The following CDCA7L variants were observed in gnomAD, a reference collection of about 807,000 sequenced individuals.
CDCA7L encodes the protein cell division cycle-associated 7-like protein.
Under a neutral mutation model 57.4 loss-of-function variants are expected in CDCA7L, and 44 were observed. The observed-to-expected ratio is 0.77, with a 90% confidence interval of 0.60 to 0.98. The LOEUF (loss-of-function observed/expected upper bound fraction) is 0.98, where lower values mean the gene tolerates loss of function less well. CDCA7L is among the 50% of genes least tolerant of loss of function. The probability of loss-of-function intolerance (pLI) is 0.00; values close to 1 mark genes in which losing one functional copy is unlikely to be tolerated. For missense variants in CDCA7L, 644 were observed against 580.6 expected (o/e 1.11, Z -1.12); for synonymous variants, 236 against 202.8 (o/e 1.16, Z -1.39).
chr7:21,930,469 G>A (rs1019382263), intron 1 of CDCA7L, among the ~76,000 whole-genome samples: 2 of 151,960 alleles, frequency 1.3e-5, no homozygotes, highest in Non-Finnish European at 2.9e-5. Context: ...GGCCGAGGTG[G>A]GCAGATCACG....
At chr7:21,933,446 T>C (rs183191406) in intron 1 of CDCA7L, among the ~76,000 whole-genome samples, 67 of 152,282 alleles carry the variant, frequency 4.4e-4, no homozygotes, top group African/African-American at 1.5e-3. Flanking sequence ...GTGGCACATA[T>C]ACACCATGGA....
intron 1 of CDCA7L, among the ~76,000 whole-genome samples, chr7:21,917,336 T>C (rs1785516960): frequency 6.6e-6 from 1 of 152,242 alleles, no homozygotes. Flanking sequence ...TGTCATAGGC[T>C]GATTCAGAAA....
At chr7:21,921,431 T>C (rs546818256) in intron 1 of CDCA7L, among the ~76,000 whole-genome samples, 1 of 151,088 alleles carries the variant, frequency 6.6e-6, no homozygotes, top group South Asian at 2.1e-4. Context: ...CAGCAAGATT[T>C]ATATGAGAAG....
chr7:21,920,311 G>A (rs1478598487), intron 1 of CDCA7L, among the ~76,000 whole-genome samples: 1 of 152,204 alleles, frequency 6.6e-6, no homozygotes, highest in South Asian at 2.1e-4. Flanking sequence ...GTATTCAAAA[G>A]CTACTTAGCT....
chr7:21,927,070 G>A (rs1039150224), intron 1 of CDCA7L, among the ~76,000 whole-genome samples: 1 of 152,142 alleles, frequency 6.6e-6, no homozygotes, highest in Non-Finnish European at 1.5e-5. Flanking sequence ...AAGACTGGAA[G>A]AGGTGGCCAC....
chr7:21,941,573 A>G (rs151117833), intron 1 of CDCA7L, among the ~76,000 whole-genome samples: 29 of 152,348 alleles, frequency 1.9e-4, no homozygotes, highest in African/African-American at 7.0e-4. Context: ...TGACTTTTAC[A>G]GGCAGTATAA....
At position 21,901,465 on chromosome 7, in the gene CDCA7L, CTCAGGAG is replaced by C; in HGVS notation, c.*850_*856del. The C allele has an allele frequency of 1.8e-6, 1 of 565,512 alleles. No homozygotes were observed. The highest frequency in any genetic ancestry group is 2.6e-6 in the Non-Finnish European group (1 of 386,714). The allele number at this position is 565,512 out of a possible 1,614,324, so 35.0% of individuals were successfully genotyped here. On this transcript the variant is annotated 3_prime_UTR_variant, in exon 10 of 10. Transcript: ENST00000406877. ...TGGCACACGACTGTAATCCCAGTTA[CTCAGGAG>C]GTAGGAGAATCACTTGAACCTAGGA...
intron 2 of CDCA7L, among the ~76,000 whole-genome samples, chr7:21,912,813 A>T (rs1785373496): frequency 6.6e-6 from 1 of 152,238 alleles, no homozygotes; most frequent in African/African-American, 2.4e-5. Context: ...AGTGAGCAGA[A>T]GGAAAGATGC....
In CDCA7L at chr7:21,908,387, G is replaced by A. The variant is rs371638574; in HGVS notation, c.424C>T (p.Leu142Phe). Residue 142 changes from leucine (L) to phenylalanine (F), a missense_variant, in exon 4 of 10, where the codon CTT (leucine) becomes TTT (phenylalanine). Leu to Phe is a conservative substitution (Grantham distance 22). Transcript: ENST00000406877. ...GTGGGGAACTGAAAGGCTACTCGAA[G>A]ACCAATACTACTTCTTCTAGACCTG... is the stretch of plus-strand genomic sequence containing the variant. ...RSRSRRSSIGLRVAFQFPTKK... is the reference protein window; with the variant it reads ...RSRSRRSSIGFRVAFQFPTKK... The A allele has an allele frequency of 4.3e-6, 7 of 1,609,616 alleles. No individual in the cohort carries two copies. The African/African-American group carries it at 5.4e-5, about 12-fold the overall frequency.
rs1038235137 is a variant in CDCA7L at position 21,921,751 on chromosome 7, A to G, written c.25-4857T>C. ...ACATTAGTTGAACTTCTGAATTAGG[A>G]TAACTACTATCTAGTGAACCAAAAA... On this transcript the variant is annotated intron_variant, in intron 1 of 9. Coordinates refer to ENST00000406877, the MANE Select transcript of CDCA7L (RefSeq NM_018719.5). Among the ~76,000 whole-genome samples the G allele has an allele frequency of 2.0e-5, 3 of 152,232 alleles. No homozygotes were observed. The South Asian group carries it at 6.2e-4, about 32-fold the overall frequency.
chr7:21,901,458 C>CCA lies in CDCA7L; in HGVS notation c.*862_*863dup. On this transcript the variant is annotated 3_prime_UTR_variant, in exon 10 of 10. Transcript: ENST00000406877. ...AGCGTGGTGGCACACGACTGTAATC[C>CCA]CAGTTACTCAGGAGGTAGGAGAATC... 1.6e-6 allele frequency: 1 copy of CCA among 610,770 alleles called. No individual in the cohort carries two copies. Among genetic ancestry groups the CCA allele is most frequent in the Non-Finnish European group, 2.4e-6 (1 of 423,766 alleles). 37.8% of individuals were successfully genotyped at this position (610,770 alleles called of 1,614,324 possible). A position where few individuals can be genotyped will look rare whatever the true frequency, so the allele number is the denominator to read the frequency against.
intron 1 of CDCA7L, among the ~76,000 whole-genome samples, chr7:21,920,070 G>T (rs1411173521): frequency 2.6e-5 from 4 of 152,196 alleles, no homozygotes; most frequent in African/African-American, 9.7e-5. Flanking sequence ...GTGCATGGAG[G>T]TGAATGCAAT....
chr7:21,911,595 C>A, intron 3 of CDCA7L, 22 bp downstream of exon 3: 1 of 1,600,114 alleles, frequency 6.2e-7, no homozygotes, highest in South Asian at 1.1e-5. Context: ...CCACCCACAT[C>A]CCTTCCTGTT....
Position 21,901,338 on chromosome 7 carries a change from TTCTAACTTTTTAG to T in CDCA7L, c.*971_*983del. The T allele has an allele frequency of 7.1e-7, 1 of 1,413,824 alleles. No homozygotes were observed. Among genetic ancestry groups the T allele is most frequent in the Non-Finnish European group, 9.3e-7 (1 of 1,075,572 alleles). The allele number at this position is 1,413,824 out of a possible 1,614,324, so 87.6% of individuals were successfully genotyped here. On this transcript the variant is annotated 3_prime_UTR_variant, in exon 10 of 10. Coordinates refer to ENST00000406877, the MANE Select transcript of CDCA7L (RefSeq NM_018719.5). ...TGCTGCACTGTTCCCATGCACATTA[TTCTAACTTTTTAG>T]TAACTCACACGTGCATTCTTTTTTC...
chr7:21,915,634 C>CT (rs1271082599), intron 2 of CDCA7L, among the ~76,000 whole-genome samples: 3 of 58,968 alleles, frequency 5.1e-5, no homozygotes, highest in East Asian at 4.8e-4. Flanking sequence ...CCCATCACTA[C>CT]TAAAAAAAAA....
At chr7:21,936,330 G>GA (rs1392151929) in intron 1 of CDCA7L, among the ~76,000 whole-genome samples, 2 of 152,174 alleles carry the variant, frequency 1.3e-5, no homozygotes, top group African/African-American at 4.8e-5. Flanking sequence ...CTCATTCTAT[G>GA]TGACCAGCAT....
intron 1 of CDCA7L, among the ~76,000 whole-genome samples, chr7:21,923,836 A>G (rs1214106016): frequency 2.0e-5 from 3 of 152,232 alleles, no homozygotes; most frequent in African/African-American, 7.2e-5. Context: ...CTATACTAAT[A>G]AAAATAAACC....
rs1583833936 is a variant in CDCA7L at position 21,902,220 on chromosome 7, T to C, written c.*102A>G. 9.5e-7 allele frequency: 1 copy of C among 1,051,278 alleles called. No individual in the cohort carries two copies. The highest frequency in any genetic ancestry group is 1.7e-5 in the African/African-American group (1 of 59,936). The allele number at this position is 1,051,278 out of a possible 1,614,324, so 65.1% of individuals were successfully genotyped here. A position where few individuals can be genotyped will look rare whatever the true frequency, so the allele number is the denominator to read the frequency against. On this transcript the variant is annotated 3_prime_UTR_variant, in exon 10 of 10. Transcript: ENST00000406877. ...TAGTAATTTCTACAAAGAATTTCTG[T>C]ATAAAAACACAACTGTAAAAAAATC...
chr7:21,938,166 G>T (rs571553939), intron 1 of CDCA7L, among the ~76,000 whole-genome samples: 1 of 151,844 alleles, frequency 6.6e-6, no homozygotes, highest in Non-Finnish European at 1.5e-5. Context: ...ATCTAATAAG[G>T]GATTAATATC....
Sources: gnomAD v4.1 joint callset for allele counts (sites outside exome capture counted in the v4.1 genomes callset) on GRCh38, gnomAD v4.1.1 for gene constraint, MANE v1.5 for transcripts, NCBI Gene and HGNC (gene_info 2026-07-23, HGNC 2026-07-21) for gene names.